SLIT3: variants seen among roughly 807,000 people sequenced by gnomAD.
SLIT3 encodes the protein slit homolog 3 protein.
SLIT3 carries 68 observed loss-of-function variants against 184.0 expected under a neutral mutation model. The observed-to-expected ratio is 0.37, with a 90% CI of 0.30 to 0.45. The LOEUF is 0.45. Ranked by LOEUF, SLIT3 falls within the 20% of genes least tolerant of loss-of-function variation. The pLI is 1.00. For missense variants in SLIT3, 1,707 were observed against 2,026.0 expected (o/e 0.84, Z 3.02); for synonymous variants, 831 against 828.6 (o/e 1.00, Z -0.05).
At chr5:168,783,879 T>C (rs1008332051) in intron 12 of SLIT3, among the ~76,000 whole-genome samples, 10 of 152,168 alleles carry the variant, frequency 6.6e-5, no homozygotes, top group Admixed American at 5.2e-4. Flanking sequence ...TTGCTTCCTC[T>C]TTACCCCAAG....
chr5:168,705,112 C>T (rs1282442875), intron 26 of SLIT3, among the ~76,000 whole-genome samples: 1 of 152,174 alleles, frequency 6.6e-6, no homozygotes, highest in Non-Finnish European at 1.5e-5. Flanking sequence ...CTCTACTTGT[C>T]TCTAACCTGG....
At chr5:168,731,754 C>G (rs1344226549) in intron 20 of SLIT3, among the ~76,000 whole-genome samples, 2 of 151,942 alleles carry the variant, frequency 1.3e-5, no homozygotes, top group Non-Finnish European at 2.9e-5. Context: ...AATTCAGCAT[C>G]CCTTCATGAT....
At chr5:169,109,389 T>C (rs1302274117) in intron 4 of SLIT3, among the ~76,000 whole-genome samples, 6 of 152,180 alleles carry the variant, frequency 3.9e-5, no homozygotes, top group African/African-American at 1.4e-4. Context: ...CTGAATGAGC[T>C]TGGAAGAAGA....
At chr5:168,928,928 C>T (rs1011709945) in intron 4 of SLIT3, among the ~76,000 whole-genome samples, 3 of 152,270 alleles carry the variant, frequency 2.0e-5, no homozygotes, top group Admixed American at 6.5e-5. Flanking sequence ...TGCCTCTTGG[C>T]GTAAGACTCT....
intron 4 of SLIT3, 100 bp downstream of exon 4, chr5:169,193,379 T>C (rs1763622199): frequency 1.0e-6 from 1 of 963,526 alleles, no homozygotes; most frequent in Non-Finnish European, 1.7e-6. Flanking sequence ...AGGGCCTAAC[T>C]GCCAAGCTCC....
rs1250020053 is a variant in SLIT3 at position 169,047,491 on chromosome 5, AGGTTCCATCTGG to A, written c.413+145976_413+145987del. Among the ~76,000 whole-genome samples the A allele has an allele frequency of 6.7e-5, 10 of 150,202 alleles. No homozygotes were observed. In the East Asian group the frequency reaches 2.0e-3, roughly 30 times the overall value. The stretch of plus-strand genomic sequence containing the variant: ...TCCAGAGGTCTTCACGGCAGACTGG[AGGTTCCATCTGG>A]AGACCTAGATGGAACCTACCCTTCC... On this transcript the variant is annotated intron_variant, in intron 4 of 35. Transcript: ENST00000519560.
chr5:168,892,969 G>GTCCAGGAAA (rs1760522880), intron 4 of SLIT3, among the ~76,000 whole-genome samples: 1 of 152,164 alleles, frequency 6.6e-6, no homozygotes, highest in African/African-American at 2.4e-5. Context: ...TCACTAAGTG[G>GTCCAGGAAA]TCCAGGAAAT....
intron 4 of SLIT3, among the ~76,000 whole-genome samples, chr5:168,913,836 G>A (rs1761345623): frequency 6.6e-6 from 1 of 151,892 alleles, no homozygotes; most frequent in Non-Finnish European, 1.5e-5. Flanking sequence ...CTGACCTCTG[G>A]TCTCTTCCTC....
chr5:168,728,012 G>A (rs927308832), intron 20 of SLIT3, among the ~76,000 whole-genome samples: 16 of 152,112 alleles, frequency 1.1e-4, no homozygotes, highest in African/African-American at 3.9e-4. Context: ...GAGTTGCTAG[G>A]AAGGGGTATG....
chr5:169,249,983 C>T (rs79913586), intron 2 of SLIT3, among the ~76,000 whole-genome samples: 9 of 152,374 alleles, frequency 5.9e-5, no homozygotes, highest in Non-Finnish European at 1.3e-4. Context: ...CAAGCCCCCA[C>T]ATTATCAGTG....
chr5:168,778,505 A>C (rs1171727110), intron 12 of SLIT3, among the ~76,000 whole-genome samples: 1 of 152,216 alleles, frequency 6.6e-6, no homozygotes, highest in Non-Finnish European at 1.5e-5. Context: ...GGGAGTGCAG[A>C]GGCATCAGAA....
At chr5:169,002,370 G>A (rs77272421) in intron 4 of SLIT3, among the ~76,000 whole-genome samples, 5,334 of 92,062 alleles carry the variant, frequency 0.058, 113 homozygotes, top group Middle Eastern at 0.15. Context: ...AAAAGAAAAA[G>A]CAATGGGGCA....
intron 4 of SLIT3, among the ~76,000 whole-genome samples, chr5:169,180,072 A>G (rs1355418486): frequency 6.6e-6 from 1 of 152,208 alleles, no homozygotes; most frequent in Non-Finnish European, 1.5e-5. Flanking sequence ...CATCTTGTAG[A>G]CAGTGACCAA....
chr5:169,118,896 T>G (rs1007013718), intron 4 of SLIT3, among the ~76,000 whole-genome samples: 2 of 152,258 alleles, frequency 1.3e-5, no homozygotes, highest in Non-Finnish European at 2.9e-5. Context: ...TTTTAATTTT[T>G]TTTTTACAGT....
intron 4 of SLIT3, among the ~76,000 whole-genome samples, chr5:169,129,147 C>T (rs892231569): frequency 6.6e-6 from 1 of 152,186 alleles, no homozygotes; most frequent in East Asian, 1.9e-4. Flanking sequence ...ATGCGTCACT[C>T]CATTGTTTCC....
intron 4 of SLIT3, among the ~76,000 whole-genome samples, chr5:168,885,171 T>C (rs1760146135): frequency 6.6e-6 from 1 of 152,196 alleles, no homozygotes; most frequent in African/African-American, 2.4e-5. Context: ...TTGACGATCA[T>C]CTGGGGCTAC....
chr5:168,760,622 G>T (rs1242905652), intron 16 of SLIT3, among the ~76,000 whole-genome samples: 1 of 152,100 alleles, frequency 6.6e-6, no homozygotes, highest in Non-Finnish European at 1.5e-5. Context: ...TCCAGGGAGG[G>T]GTCAGGGATG....
chr5:169,094,111 A>G (rs1000823820), intron 4 of SLIT3, among the ~76,000 whole-genome samples: 1 of 152,220 alleles, frequency 6.6e-6, no homozygotes, highest in Non-Finnish European at 1.5e-5. Context: ...TTGGTCCAAG[A>G]TCACACAGCT....
chr5:168,848,622 T>C (rs1180239631), intron 5 of SLIT3, among the ~76,000 whole-genome samples: 1 of 151,948 alleles, frequency 6.6e-6, no homozygotes, highest in African/African-American at 2.4e-5. Flanking sequence ...CGGCAAACAA[T>C]ATGAGTGCTA....
Sources: allele counts gnomAD v4.1 joint callset (sites outside exome capture counted in the v4.1 genomes callset), GRCh38; gene constraint gnomAD v4.1.1; transcripts MANE v1.5; gene names NCBI Gene and HGNC (gene_info 2026-07-23, HGNC 2026-07-21).